Variants in GABRB3 observed in about 807,000 individuals in gnomAD.
GABRB3 encodes the protein gamma-aminobutyric acid receptor subunit beta-3.
GABRB3 carries 14 observed loss-of-function variants against 52.1 expected under a neutral mutation model. The observed-to-expected ratio is 0.27, with a 90% confidence interval of 0.18 to 0.42. GABRB3 has a LOEUF of 0.42. Ranked by LOEUF, GABRB3 falls within the 10% of genes least tolerant of loss-of-function variation. The pLI is 1.00. For missense variants in GABRB3, 307 were observed against 609.1 expected (o/e 0.50, Z 5.22); for synonymous variants, 260 against 232.3 (o/e 1.12, Z -1.08).
chr15:26,679,855 T>C (rs965540918), intron 3 of GABRB3, among the ~76,000 whole-genome samples: 2 of 152,194 alleles, frequency 1.3e-5, no homozygotes, highest in Non-Finnish European at 2.9e-5. Flanking sequence ...TTGTCAATCA[T>C]ATGTGGAGAG....
chr15:26,738,078 G>C (rs1424465031), intron 3 of GABRB3, among the ~76,000 whole-genome samples: 3 of 151,930 alleles, frequency 2.0e-5, no homozygotes, highest in South Asian at 2.1e-4. Flanking sequence ...TGTTGTCGTT[G>C]TTCTTCTTCG....
intron 4 of GABRB3, among the ~76,000 whole-genome samples, chr15:26,593,224 T>C (rs1307548837): frequency 1.3e-5 from 2 of 152,160 alleles, no homozygotes; most frequent in African/African-American, 2.4e-5. Context: ...AATGGATATG[T>C]AACTGAGATT....
chr15:26,596,869 G>C (rs1266116714), intron 4 of GABRB3, among the ~76,000 whole-genome samples: 1 of 152,146 alleles, frequency 6.6e-6, no homozygotes, highest in Non-Finnish European at 1.5e-5. Context: ...TACAGTGATG[G>C]AGGTTGGTAA....
intron 3 of GABRB3, among the ~76,000 whole-genome samples, chr15:26,626,911 T>C (rs972500540): frequency 1.3e-5 from 2 of 152,334 alleles, no homozygotes; most frequent in African/African-American, 4.8e-5. Context: ...AGAGTAGACT[T>C]TGGAAGAAGT....
intron 3 of GABRB3, among the ~76,000 whole-genome samples, chr15:26,675,083 A>C (rs2140638387): frequency 6.6e-6 from 1 of 152,290 alleles, no homozygotes; most frequent in South Asian, 2.1e-4. Context: ...CAAAAGTCTC[A>C]GGAGTCCCTG....
rs977257716 is a variant in GABRB3, at chr15:26,572,004, C to T, written c.683-4271G>A. Among the ~76,000 whole-genome samples, 4 of 145,576 alleles carry T rather than the reference C, an allele frequency of 2.7e-5. No homozygotes were observed. In the Admixed American group the frequency reaches 2.8e-4, roughly 10 times the overall value. On this transcript the variant is annotated intron_variant, in intron 6 of 8. Coordinates refer to ENST00000311550, the MANE Select transcript of GABRB3 (RefSeq NM_000814.6). ...GAGGTTGCAGTGAGCCGAAATTGAG[C>T]TACTGCACTCCAGCCTGGCGACAGA...
chr15:26,745,714 A>C (rs1274699442), intron 3 of GABRB3, among the ~76,000 whole-genome samples: 3 of 152,230 alleles, frequency 2.0e-5, no homozygotes, highest in African/African-American at 7.2e-5. Flanking sequence ...TAATTATGTA[A>C]ATAAAATATA....
intron 6 of GABRB3, among the ~76,000 whole-genome samples, chr15:26,570,706 C>T (rs779971931): frequency 3.3e-5 from 5 of 152,182 alleles, no homozygotes; most frequent in Non-Finnish European, 5.9e-5. Flanking sequence ...TTTGAAGATG[C>T]GTCTTTCCTT....
intron 7 of GABRB3, among the ~76,000 whole-genome samples, 190 bp downstream of exon 7, chr15:26,567,391 C>A (rs117396189): frequency 1.3e-3 from 198 of 152,170 alleles, no homozygotes; most frequent in Non-Finnish European, 2.0e-3. Flanking sequence ...ACATTTGAGC[C>A]TTGTAATTAA....
At chr15:26,717,539 C>T (rs1382362109) in intron 3 of GABRB3, among the ~76,000 whole-genome samples, 1 of 152,224 alleles carries the variant, frequency 6.6e-6, no homozygotes, top group Non-Finnish European at 1.5e-5. Flanking sequence ...ACCCTGAATT[C>T]TCCCCTTGTC....
chr15:26,745,630 T>G (rs1047367860), intron 3 of GABRB3, among the ~76,000 whole-genome samples: 4 of 152,220 alleles, frequency 2.6e-5, no homozygotes, highest in Admixed American at 6.5e-5. Context: ...ACACCCCTCC[T>G]CCACTGGCCT....
intron 3 of GABRB3, among the ~76,000 whole-genome samples, chr15:26,737,084 ACT>A (rs1054523728): frequency 6.1e-4 from 93 of 151,674 alleles, no homozygotes; most frequent in African/African-American, 2.1e-3. Flanking sequence ...AATGAGAGAA[ACT>A]CTCTAGGTCT....
At chr15:26,643,728 C>T (rs1262323605) in intron 3 of GABRB3, among the ~76,000 whole-genome samples, 2 of 152,074 alleles carry the variant, frequency 1.3e-5, no homozygotes, top group African/African-American at 4.8e-5. Flanking sequence ...CTTTCCTCCT[C>T]TTCTGTTACT....
At chr15:26,609,135 C>T (rs995970394) in intron 4 of GABRB3, among the ~76,000 whole-genome samples, 1 of 121,006 alleles carries the variant, frequency 8.3e-6, no homozygotes, top group African/African-American at 2.7e-5. Context: ...CACACACACA[C>T]AATGGAATGC....
chr15:26,695,541 A>G (rs1430160671), intron 3 of GABRB3, among the ~76,000 whole-genome samples: 1 of 152,208 alleles, frequency 6.6e-6, no homozygotes, highest in African/African-American at 2.4e-5. Flanking sequence ...ACAAACAGAA[A>G]TTGAGGAAAT....
At chr15:26,680,034 T>C (rs1192933634) in intron 3 of GABRB3, among the ~76,000 whole-genome samples, 2 of 152,216 alleles carry the variant, frequency 1.3e-5, no homozygotes, top group African/African-American at 2.4e-5. Context: ...TAGATGTTGC[T>C]ATGGAGCTAT....
Position 26,668,407 on chromosome 15 carries a change from A to G in GABRB3, c.241-46873T>C, listed in dbSNP as rs532756008. 5.3e-5 allele frequency among the ~76,000 whole-genome samples: 8 copies of G among 152,306 alleles called. No homozygotes were observed. The East Asian group carries it at 1.2e-3, about 22-fold the overall frequency. ...TATCATTTGTATAAGCTCTTACTAC[A>G]TGAGGCCGGGAATGCCTGCAGCCCC... On this transcript the variant is annotated intron_variant, in intron 3 of 8. Transcript: ENST00000311550.
chr15:26,751,864 A>G (rs900401321), intron 3 of GABRB3, among the ~76,000 whole-genome samples: 1 of 152,008 alleles, frequency 6.6e-6, no homozygotes, highest in East Asian at 1.9e-4. Context: ...TAGAAACCTT[A>G]CATGCATTGC....
chr15:26,621,249 A>T lies in GABRB3; in HGVS notation c.461+65T>A. On this transcript the variant is annotated intron_variant, in intron 4 of 8. Transcript: ENST00000311550. This position sits in a 1 kb window ranked among gnomAD's most constrained non-coding sequence, Gnocchi z 4.1. ...TTGCCTCACTTACAATAATCATCTCAAGTGAGATATTCAACACCCATGCAC... is the reference window on the plus strand; with the variant it reads ...TTGCCTCACTTACAATAATCATCTCTAGTGAGATATTCAACACCCATGCAC... The T allele has an allele frequency of 1.7e-6, 2 of 1,198,650 alleles. No individual in the cohort carries two copies. The highest frequency in any genetic ancestry group is 1.2e-6 in the Non-Finnish European group (1 of 802,482). 74.3% of individuals were successfully genotyped at this position (1,198,650 alleles called of 1,614,324 possible).
Sources: gnomAD v4.1 joint callset for allele counts (sites outside exome capture counted in the v4.1 genomes callset) on GRCh38, gnomAD v4.1.1 for gene constraint, Gnocchi (gnomAD v3.1) non-coding constraint, MANE v1.5 for transcripts, NCBI Gene and HGNC (gene_info 2026-07-23, HGNC 2026-07-21) for gene names.